Variants in CFAP221 observed in about 807,000 individuals in gnomAD.
The protein encoded by CFAP221 is cilia and flagella associated protein 221.
Under a neutral mutation model 113.1 loss-of-function variants are expected in CFAP221, and 97 were observed. The ratio of observed to expected loss-of-function variants is 0.86; its 90% confidence interval spans 0.73 to 1.02. The LOEUF (loss-of-function observed/expected upper bound fraction) is 1.02, where lower values mean the gene tolerates loss of function less well. Ranked by LOEUF, CFAP221 falls within the 50% of genes least tolerant of loss-of-function variation. CFAP221 has a pLI of 0.00. For missense variants in CFAP221, 1,025 were observed against 1,013.4 expected (o/e 1.01, Z -0.16); for synonymous variants, 331 against 354.4 (o/e 0.93, Z 0.74).
rs1197485526 is a variant in CFAP221, at chr2:119,625,684, A to G, written c.1512A>G (p.Ala504=). 6 of 1,604,320 alleles carry G rather than the reference A, an allele frequency of 3.7e-6. No homozygotes were observed. The highest frequency in any genetic ancestry group is 1.1e-5 in the South Asian group (1 of 90,858). Residue 504 remains alanine, a synonymous_variant, in exon 15 of 24, where the codon GCA becomes GCG. Coordinates refer to ENST00000413369, the MANE Select transcript of CFAP221 (RefSeq NM_001271049.2). The part of the protein sequence containing the change: ...RKIGQAKQSI[A]QEANFFKFFL... The stretch of plus-strand genomic sequence containing the variant: ...TTGGCCAAGCAAAACAATCGATAGC[A>G]CAAGGTGAAGTATGGCTGCAAAGCA...
intron 3 of CFAP221, among the ~76,000 whole-genome samples, chr2:119,558,460 A>C (rs1680984596): frequency 6.6e-6 from 1 of 152,236 alleles, no homozygotes; most frequent in Non-Finnish European, 1.5e-5. Context: ...AAGATACACC[A>C]AAACAGGGTC....
At chr2:119,564,406 A>G (rs1418578944) in intron 6 of CFAP221, among the ~76,000 whole-genome samples, 2 of 152,214 alleles carry the variant, frequency 1.3e-5, no homozygotes, top group Non-Finnish European at 2.9e-5. Flanking sequence ...TAATACATAT[A>G]AAATAATCTA....
intron 6 of CFAP221, among the ~76,000 whole-genome samples, chr2:119,567,617 A>T (rs558297257): frequency 2.6e-5 from 4 of 152,186 alleles, no homozygotes; most frequent in Non-Finnish European, 5.9e-5. Context: ...TAAGTTTTCA[A>T]TTCCTTTGGG....
chr2:119,601,548 T>C (rs2104663592), intron 8 of CFAP221, 171 bp downstream of exon 8: 1 of 585,678 alleles, frequency 1.7e-6, no homozygotes, highest in East Asian at 3.1e-5. Flanking sequence ...AGAATATATC[T>C]ATGCTAGTAG....
In CFAP221 at chr2:119,568,318, CCTTT is replaced by C. The variant is rs531669159; in HGVS notation, c.527+6205_527+6208del. Among the ~76,000 whole-genome samples, 533 of 152,098 alleles carry C rather than the reference CCTTT, an allele frequency of 3.5e-3. 4 individuals are homozygous for C. Among genetic ancestry groups the C allele is most frequent in the African/African-American group, 0.011 (471 of 41,492 alleles). Reference sequence around the variant, plus strand: ...CATTTTTTCCTTCTTCAGTGTTCTTCCTTTATTTTTATTTTTATTTTTATTTTAA... The same window carrying C: ...CATTTTTTCCTTCTTCAGTGTTCTTCATTTTTATTTTTATTTTTATTTTAA... On this transcript the variant is annotated intron_variant, in intron 6 of 23. Coordinates refer to ENST00000413369, the MANE Select transcript of CFAP221 (RefSeq NM_001271049.2).
intron 7 of CFAP221, among the ~76,000 whole-genome samples, chr2:119,594,316 A>C (rs1369822684): frequency 6.6e-6 from 1 of 151,646 alleles, no homozygotes; most frequent in Non-Finnish European, 1.5e-5. Flanking sequence ...GCTCACTGCA[A>C]CCTCTGCCTC....
In CFAP221 at chr2:119,605,281, T is replaced by A. The variant is rs1574110595; in HGVS notation, c.1125T>A (p.His375Gln). 6.2e-7 allele frequency: 1 copy of A among 1,609,974 alleles called. No homozygotes were observed. Among genetic ancestry groups the A allele is most frequent in the Non-Finnish European group, 8.5e-7 (1 of 1,176,280 alleles). Residue 375 changes from histidine (H) to glutamine (Q), a missense_variant, in exon 11 of 24, where the codon CAT (histidine) becomes CAA (glutamine). Transcript: ENST00000413369. ...ACATTCACGAAGAGATGGAAAATCA[T>A]CTTAAGTGGTAAATATTGAGCAATT... ...RQDIHEEMENHLKWQVHLGKD... is the reference protein window; with the variant it reads ...RQDIHEEMENQLKWQVHLGKD...
At chr2:119,618,870 A>G (rs1202497808) in intron 14 of CFAP221, among the ~76,000 whole-genome samples, 3 of 152,180 alleles carry the variant, frequency 2.0e-5, no homozygotes, top group Non-Finnish European at 4.4e-5. Context: ...AGCAGTCTGA[A>G]GTCCACCTGG....
Position 119,546,088 on chromosome 2 carries a change from A to T in CFAP221, c.-44A>T. The T allele has an allele frequency of 6.6e-7, 1 of 1,506,366 alleles. No individual in the cohort carries two copies. Among genetic ancestry groups the T allele is most frequent in the South Asian group, 1.3e-5 (1 of 78,126 alleles). 93.3% of individuals were successfully genotyped at this position (1,506,366 alleles called of 1,614,324 possible). On this transcript the variant is annotated 5_prime_UTR_variant, in exon 2 of 24. An upstream start codon of the reference 5' UTR is lost. Transcript: ENST00000413369. ...ACTGCTGCTCTTTCCTCCCCAGGACATGACCTTTGGCTCTAAAAAGAAGAC... is the reference window on the plus strand; with the variant it reads ...ACTGCTGCTCTTTCCTCCCCAGGACTTGACCTTTGGCTCTAAAAAGAAGAC...
intron 13 of CFAP221, among the ~76,000 whole-genome samples, chr2:119,614,561 G>A (rs772436680): frequency 6.6e-6 from 1 of 152,126 alleles, no homozygotes; most frequent in Non-Finnish European, 1.5e-5. Flanking sequence ...ACCAAGTGAA[G>A]GGAGAAGCCC....
chr2:119,546,435 T>TTAACTGA (rs1680057151), intron 2 of CFAP221, among the ~76,000 whole-genome samples, 165 bp downstream of exon 2: 1 of 152,252 alleles, frequency 6.6e-6, no homozygotes, highest in African/African-American at 2.4e-5. Context: ...ATCCATCTGC[T>TTAACTGA]TAACTGATAG....
intron 6 of CFAP221, among the ~76,000 whole-genome samples, chr2:119,576,501 C>T (rs990830529): frequency 6.6e-6 from 1 of 152,072 alleles, no homozygotes; most frequent in Non-Finnish European, 1.5e-5. Flanking sequence ...TTCCCTTTAC[C>T]TCTAATATTG....
chr2:119,629,739 T>G (rs1686633392), intron 16 of CFAP221, 136 bp from the exon 17 acceptor site: 1 of 626,256 alleles, frequency 1.6e-6, no homozygotes, highest in Non-Finnish European at 2.8e-6. Context: ...ACAGATCAAG[T>G]GGCAACTGTG....
At chr2:119,574,709 C>T (rs1006917191) in intron 6 of CFAP221, among the ~76,000 whole-genome samples, 8 of 152,300 alleles carry the variant, frequency 5.3e-5, no homozygotes, top group African/African-American at 1.7e-4. Context: ...TGCATGCACA[C>T]ACACACACAC....
chr2:119,550,876 C>G (rs1268135306), intron 3 of CFAP221, among the ~76,000 whole-genome samples: 2 of 152,264 alleles, frequency 1.3e-5, no homozygotes, highest in Admixed American at 1.3e-4. Flanking sequence ...AGAAGAAACC[C>G]CACACCCACT....
At chr2:119,603,039 C>T (rs1469401619) in intron 8 of CFAP221, among the ~76,000 whole-genome samples, 1 of 152,088 alleles carries the variant, frequency 6.6e-6, no homozygotes, top group East Asian at 1.9e-4. Context: ...AATATTATAA[C>T]ATATAAATTC....
chr2:119,634,731 T>C lies in CFAP221; in HGVS notation c.1975-3528T>C, dbSNP rs537987497. ...AATAAGCCAGCCACAGAAAGACAAA[T>C]ACTGTATGATTCTGCTTATATGAGA... On this transcript the variant is annotated intron_variant, in intron 19 of 23. Transcript: ENST00000413369. Among the ~76,000 whole-genome samples, 3 of 152,224 alleles carry C rather than the reference T, an allele frequency of 2.0e-5. No individual in the cohort carries two copies. The East Asian group carries it at 5.8e-4, about 29-fold the overall frequency.
At chr2:119,623,685 A>C (rs1281679340) in intron 14 of CFAP221, among the ~76,000 whole-genome samples, 1 of 152,232 alleles carries the variant, frequency 6.6e-6, no homozygotes, top group African/African-American at 2.4e-5. Flanking sequence ...AACCAATGGA[A>C]CAGAACAGAA....
chr2:119,583,776 A>G (rs1456751102), intron 6 of CFAP221, among the ~76,000 whole-genome samples: 1 of 152,214 alleles, frequency 6.6e-6, no homozygotes, highest in East Asian at 1.9e-4. Flanking sequence ...GCCCTCATGA[A>G]CAGGATTAGT....
Sources: allele counts gnomAD v4.1 joint callset (sites outside exome capture counted in the v4.1 genomes callset), GRCh38; gene constraint gnomAD v4.1.1; transcripts MANE v1.5; gene names NCBI Gene and HGNC (gene_info 2026-07-23, HGNC 2026-07-21).